Variants in TRIM31 observed in about 807,000 individuals in gnomAD.
The protein encoded by TRIM31 is tripartite motif containing 31, also known as E3 ubiquitin-protein ligase TRIM31.
A neutral mutation model predicts 40.6 loss-of-function variants in TRIM31; 31 were observed. The observed-to-expected ratio is 0.76, with a 90% CI of 0.57 to 1.03. TRIM31 has a LOEUF of 1.03. Ranked by LOEUF, TRIM31 falls within the 50% of genes least tolerant of loss-of-function variation. TRIM31 has a pLI of 0.00. For missense variants in TRIM31, 455 were observed against 497.5 expected (o/e 0.91, Z 0.81); for synonymous variants, 164 against 193.9 (o/e 0.85, Z 1.28).
intron 4 of TRIM31, 108 bp downstream of exon 4, chr6:30,110,340 G>T: frequency 9.8e-7 from 1 of 1,020,458 alleles, no homozygotes; most frequent in South Asian, 1.4e-5. Context: ...CTGGGCTAGA[G>T]GTAGGATGGT....
chr6:30,112,767 T>A lies in TRIM31; in HGVS notation c.39A>T (p.Glu13Asp). 6.2e-7 allele frequency: 1 copy of A among 1,612,372 alleles called. No individual in the cohort carries two copies. Among genetic ancestry groups the A allele is most frequent in the Non-Finnish European group, 8.5e-7 (1 of 1,179,694 alleles). The stretch of plus-strand genomic sequence containing the variant: ...TGTCCAGGCAGATGGGGCAGATCAC[T>A]TCCTCTTGCAGTTTGTTCACAAACT... ...SGQFVNKLQE[E>D]VICPICLDIL... Residue 13 changes from glutamate (E) to aspartate (D), a missense_variant, in exon 2 of 9, where the codon GAA (glutamate) becomes GAT (aspartate). Physicochemically the swap from Glu to Asp is conservative, Grantham distance 45. Transcript: ENST00000376734.
chr6:30,111,401 G>T (rs1769299442), intron 3 of TRIM31: 1 of 513,626 alleles, frequency 1.9e-6, no homozygotes. Flanking sequence ...CTGTACTTGC[G>T]ATTCTAAGAC....
chr6:30,111,929 G>A, intron 2 of TRIM31, 186 bp from the exon 3 acceptor site: 1 of 615,694 alleles, frequency 1.6e-6, no homozygotes, highest in Non-Finnish European at 2.9e-6. Flanking sequence ...GAGCCTAAGT[G>A]ACCTAAATGA....
At chr6:30,109,112 G>C (rs896487592) in intron 4 of TRIM31, 64 bp from the exon 5 acceptor site, 5 of 1,559,560 alleles carry the variant, frequency 3.2e-6, no homozygotes, top group Non-Finnish European at 4.4e-6. Context: ...CCAAGGAGGA[G>C]ATACAGAGCC....
Position 30,105,218 on chromosome 6 carries a change from T to G in TRIM31, c.908A>C (p.Lys303Thr), listed in dbSNP as rs1768557526. Residue 303 changes from lysine to threonine, a missense_variant, in exon 7 of 9, where the codon AAA (lysine) becomes ACA (threonine). By Grantham distance (78) the Lys-to-Thr change is moderately conservative. Transcript: ENST00000376734. ...FKDQLQADRK[K>T]DENRFFKSMN... Reference sequence around the variant, plus strand: ...GCTTTTGAAGAATCTGTTTTCATCTTTTTTCCTATCAGCCTGGAGTTGGTC... The same window carrying G: ...GCTTTTGAAGAATCTGTTTTCATCTGTTTTCCTATCAGCCTGGAGTTGGTC... 3.1e-6 allele frequency: 5 copies of G among 1,612,840 alleles called. No homozygotes were observed. Among genetic ancestry groups the G allele is most frequent in the Non-Finnish European group, 4.2e-6 (5 of 1,179,994 alleles).
At chr6:30,106,309 C>T (rs115147572) in intron 6 of TRIM31, among the ~76,000 whole-genome samples, 1 of 152,124 alleles carries the variant, frequency 6.6e-6, no homozygotes, top group Non-Finnish European at 1.5e-5. Flanking sequence ...GACGCGGGGG[C>T]CCTCTTAGGA....
At chr6:30,108,027 T>C (rs1043442577) in intron 6 of TRIM31, 26 bp downstream of exon 6, 1 of 1,435,184 alleles carries the variant, frequency 7.0e-7, no homozygotes, top group African/African-American at 1.4e-5. Context: ...AGTAGGTGAA[T>C]AGAGAAAATA....
Position 30,103,651 on chromosome 6 carries a change from G to T in TRIM31, c.1163C>A (p.Ala388Glu). ...AAATGTCTTCGTATCCTGAGAGCTC[G>T]CTCCTTGACCAGAAATCTCATCATA... ...ASYDEISGQG[A>E]SSQDTKTFDV... Residue 388 changes from alanine (A) to glutamate (E), a missense_variant, in exon 9 of 9, where the codon GCG becomes GAG. Coordinates refer to ENST00000376734, the MANE Select transcript of TRIM31 (RefSeq NM_007028.5). The T allele has an allele frequency of 6.2e-7, 1 of 1,613,022 alleles. No homozygotes were observed. The highest frequency in any genetic ancestry group is 8.5e-7 in the Non-Finnish European group (1 of 1,180,042).
At chr6:30,109,874 A>G (rs1769114488) in intron 4 of TRIM31, among the ~76,000 whole-genome samples, 1 of 152,160 alleles carries the variant, frequency 6.6e-6, no homozygotes, top group South Asian at 2.1e-4. Flanking sequence ...AAAATAAAAT[A>G]AAATAAATAG....
chr6:30,105,290 A>G, intron 6 of TRIM31, 48 bp from the exon 7 acceptor site: 1 of 1,456,636 alleles, frequency 6.9e-7, no homozygotes, highest in Non-Finnish European at 9.5e-7. Context: ...AGAGGGGTTG[A>G]GCAAAGAACT....
intron 5 of TRIM31, chr6:30,108,706 A>G: frequency 2.0e-6 from 1 of 508,794 alleles, no homozygotes; most frequent in Non-Finnish European, 3.5e-6. Flanking sequence ...GGAGACAGAG[A>G]GGAGGGAAAA....
intron 5 of TRIM31, 121 bp from the exon 6 acceptor site, chr6:30,108,289 T>C: frequency 5.7e-6 from 4 of 705,398 alleles, no homozygotes; most frequent in Non-Finnish European, 1.0e-5. Context: ...CTGAGAGCAG[T>C]GGCTCACACC....
At chr6:30,106,632 T>A (rs1414553536) in intron 6 of TRIM31, among the ~76,000 whole-genome samples, 1 of 147,322 alleles carries the variant, frequency 6.8e-6, no homozygotes, top group Non-Finnish European at 1.5e-5. Context: ...CAGGTGGGAG[T>A]TGGGGGACTG....
In TRIM31 at chr6:30,112,459, A is replaced by C; in HGVS notation, c.347T>G (p.Val116Gly). The C allele has an allele frequency of 6.2e-7, 1 of 1,613,104 alleles. No individual in the cohort carries two copies. The highest frequency in any genetic ancestry group is 8.5e-7 in the Non-Finnish European group (1 of 1,180,028). ...CEDDGKFLCF[V>G]CRESKDHKSH... The stretch of plus-strand genomic sequence containing the variant: ...TTTGTGGTCCTTGGATTCACGACAC[A>C]CAAAACAGAGGAACTTCCCATCATC... Residue 116 changes from valine (V) to glycine (G), a missense_variant, in exon 2 of 9, where the codon GTG becomes GGG. By Grantham distance (109) the Val-to-Gly change is moderately radical. Coordinates refer to ENST00000376734, the MANE Select transcript of TRIM31 (RefSeq NM_007028.5).
rs1332257596 is a variant in TRIM31, at chr6:30,103,725, C to T, written c.1089G>A (p.Arg363=). The T allele has an allele frequency of 6.2e-7, 1 of 1,612,852 alleles. No individual in the cohort carries two copies. Among genetic ancestry groups the T allele is most frequent in the African/African-American group, 1.3e-5 (1 of 74,860 alleles). Residue 363 remains arginine, a synonymous_variant, in exon 9 of 9, where the codon CGG becomes CGA. Coordinates refer to ENST00000376734, the MANE Select transcript of TRIM31 (RefSeq NM_007028.5). ...AAGTGACTTTCCCAGCAGACGAGGC[C>T]CGAAACAGGGAGTGGGATGGGGCTG... is the stretch of plus-strand genomic sequence containing the variant. The part of the protein sequence containing the change: ...HSSAPSHSLF[R]ASSAGKVTFP...
Position 30,103,520 on chromosome 6 carries a change from T to C in TRIM31, c.*16A>G, listed in dbSNP as rs1448346036. Reference sequence around the variant, plus strand: ...GTCCGTGTAGCACCACCGCTCCCCGTGTTCTCTGAGCTGGCTTAGCTTGAA... The same window carrying C: ...GTCCGTGTAGCACCACCGCTCCCCGCGTTCTCTGAGCTGGCTTAGCTTGAA... On this transcript the variant is annotated 3_prime_UTR_variant, in exon 9 of 9. Transcript: ENST00000376734. The C allele has an allele frequency of 6.2e-7, 1 of 1,612,024 alleles. No homozygotes were observed. Among genetic ancestry groups the C allele is most frequent in the Non-Finnish European group, 8.5e-7 (1 of 1,179,288 alleles).
chr6:30,106,359 A>C (rs1186980680), intron 6 of TRIM31, among the ~76,000 whole-genome samples: 1 of 152,144 alleles, frequency 6.6e-6, no homozygotes, highest in Non-Finnish European at 1.5e-5. Context: ...ACTGCCTGGG[A>C]GCACTTCACC....
intron 2 of TRIM31, chr6:30,112,035 CT>C: frequency 1.8e-6 from 1 of 553,636 alleles, no homozygotes; most frequent in Non-Finnish European, 3.2e-6. Context: ...CTACCAACAA[CT>C]TTAAGAGAGT....
In TRIM31 at chr6:30,111,666, G is replaced by T. The variant is rs1029491931; in HGVS notation, c.495C>A (p.His165Gln). The T allele has an allele frequency of 2.5e-6, 4 of 1,614,202 alleles. No homozygotes were observed. Among genetic ancestry groups the T allele is most frequent in the African/African-American group, 2.7e-5 (2 of 75,050 alleles). Residue 165 changes from histidine to glutamine, a missense_variant, in exon 3 of 9, where the codon CAC becomes CAA. Coordinates refer to ENST00000376734, the MANE Select transcript of TRIM31 (RefSeq NM_007028.5). ...TTCTTACCGTGAAGACATCGACCCT[G>T]TGTACACCTTGTGCCTTCACTTGTA... is the stretch of plus-strand genomic sequence containing the variant. ...ETVQVKAQGV[H>Q]RVDVFTDQVE...
Sources: gnomAD v4.1 joint callset for allele counts (sites outside exome capture counted in the v4.1 genomes callset) on GRCh38, gnomAD v4.1.1 for gene constraint, MANE v1.5 for transcripts, NCBI Gene and HGNC (gene_info 2026-07-23, HGNC 2026-07-21) for gene names.